The following HEMK2 variants were observed in gnomAD, a reference collection of about 807,000 sequenced individuals.
HEMK2 encodes HemK methyltransferase 2, ETF1 glutamine and histone H4 lysine.
chr21:28,703,167 G>C, the HEMK2 span, among the ~76,000 whole-genome samples: 1 of 152,142 alleles, frequency 6.6e-6, no homozygotes, highest in Non-Finnish European at 1.5e-5. Flanking sequence ...CTGAGGGAAA[G>C]AGACTAGGAG....
chr21:28,630,586 A>C, the HEMK2 span, among the ~76,000 whole-genome samples: 1 of 151,880 alleles, frequency 6.6e-6, no homozygotes. Context: ...ACACCATGGA[A>C]TACTATGCAG....
the HEMK2 span, among the ~76,000 whole-genome samples, chr21:28,650,404 A>AG: frequency 2.0e-5 from 3 of 152,054 alleles, no homozygotes; most frequent in South Asian, 2.1e-4. Flanking sequence ...CAAAAAAAAA[A>AG]ATGCCATGGT....
At chr21:28,853,965 C>T in the HEMK2 span, among the ~76,000 whole-genome samples, 37 of 152,250 alleles carry the variant, frequency 2.4e-4, no homozygotes, top group South Asian at 3.1e-3. Flanking sequence ...GCCATATACA[C>T]GATAAGAGCT....
chr21:28,687,104 A>G, the HEMK2 span, among the ~76,000 whole-genome samples: 2 of 152,078 alleles, frequency 1.3e-5, no homozygotes, highest in African/African-American at 2.4e-5. Flanking sequence ...CTCACATTAT[A>G]CCCCCTGCCA....
the HEMK2 span, among the ~76,000 whole-genome samples, chr21:28,880,498 G>A: frequency 2.0e-5 from 3 of 152,218 alleles, no homozygotes; most frequent in South Asian, 2.1e-4. Context: ...TTAGGAGGCC[G>A]AGGCGGGCGG....
At chr21:28,704,832 C>T in the HEMK2 span, among the ~76,000 whole-genome samples, 1 of 152,182 alleles carries the variant, frequency 6.6e-6, no homozygotes, top group Non-Finnish European at 1.5e-5. Flanking sequence ...AATAAAAATG[C>T]TGAATGTAAA....
the HEMK2 span, among the ~76,000 whole-genome samples, chr21:28,831,467 G>GAAAGAA: frequency 2.6e-4 from 6 of 23,450 alleles, no homozygotes; most frequent in Non-Finnish European, 4.3e-4. Flanking sequence ...AAGAACGAAA[G>GAAAGAA]AAAGAAAGAA....
chr21:28,578,935 C>G, the HEMK2 span, among the ~76,000 whole-genome samples: 1 of 152,148 alleles, frequency 6.6e-6, no homozygotes, highest in South Asian at 2.1e-4. Context: ...TCCCCAAATT[C>G]AGATATGGAA....
At chr21:28,594,970 A>T in the HEMK2 span, among the ~76,000 whole-genome samples, 1 of 152,250 alleles carries the variant, frequency 6.6e-6, no homozygotes, top group African/African-American at 2.4e-5. Context: ...TGGAATGATC[A>T]ATTATTTCCA....
the HEMK2 span, among the ~76,000 whole-genome samples, chr21:28,697,778 CAAA>C: frequency 1.1e-4 from 9 of 79,550 alleles, no homozygotes; most frequent in Admixed American, 6.3e-4. Context: ...ATCATGAGCC[CAAA>C]AAAAAAAAAA....
chr21:28,732,586 G>GA, the HEMK2 span, among the ~76,000 whole-genome samples: 2 of 152,224 alleles, frequency 1.3e-5, no homozygotes, highest in East Asian at 1.9e-4. Flanking sequence ...CCCTCGCCCA[G>GA]AAAAAAAGAA....
the HEMK2 span, among the ~76,000 whole-genome samples, chr21:28,670,361 G>C: frequency 6.6e-6 from 1 of 152,148 alleles, no homozygotes; most frequent in South Asian, 2.1e-4. Context: ...ACCTAAAATA[G>C]AATTTATTCT....
At chr21:28,810,523 C>T in the HEMK2 span, among the ~76,000 whole-genome samples, 1 of 152,168 alleles carries the variant, frequency 6.6e-6, no homozygotes, top group Non-Finnish European at 1.5e-5. Context: ...AGAGGCCCTC[C>T]TTTTCTGTTT....
chr21:28,767,900 T>C, the HEMK2 span, among the ~76,000 whole-genome samples: 2 of 151,976 alleles, frequency 1.3e-5, no homozygotes, highest in Non-Finnish European at 2.9e-5. Context: ...AGAACTCTCC[T>C]CTCACAGGAC....
chr21:28,878,333 C>A, the HEMK2 span: 7 of 1,612,472 alleles, frequency 4.3e-6, no homozygotes, highest in South Asian at 5.5e-5. Flanking sequence ...TGACTTCCTA[C>A]CTGTGAACAA....
chr21:28,776,712 C>T, the HEMK2 span, among the ~76,000 whole-genome samples: 1 of 152,170 alleles, frequency 6.6e-6, no homozygotes, highest in Non-Finnish European at 1.5e-5. Flanking sequence ...GAGTCCCTGG[C>T]AAACCACTGG....
At chr21:28,717,480 C>CTCT in the HEMK2 span, among the ~76,000 whole-genome samples, 1 of 117,324 alleles carries the variant, frequency 8.5e-6, no homozygotes, top group African/African-American at 3.5e-5. Flanking sequence ...TCATTTTAGT[C>CTCT]TTTTTTTTTT....
the HEMK2 span, among the ~76,000 whole-genome samples, chr21:28,698,631 A>G: frequency 6.6e-6 from 1 of 152,202 alleles, no homozygotes; most frequent in Non-Finnish European, 1.5e-5. Flanking sequence ...AAGATCAAAA[A>G]ACTGCAATTT....
At chr21:28,853,326 T>C in the HEMK2 span, among the ~76,000 whole-genome samples, 1 of 152,214 alleles carries the variant, frequency 6.6e-6, no homozygotes, top group African/African-American at 2.4e-5. Flanking sequence ...AGAACCTCTT[T>C]TAACTCCCCA....
Sources: gnomAD v4.1 joint callset for allele counts (sites outside exome capture counted in the v4.1 genomes callset) on GRCh38, gnomAD v4.1.1 for gene constraint, MANE v1.5 for transcripts, NCBI Gene and HGNC (gene_info 2026-07-23, HGNC 2026-07-21) for gene names.